RGS9: variants seen among roughly 807,000 people sequenced by gnomAD.
RGS9 encodes the protein regulator of G-protein signalling 9.
Under a neutral mutation model 102.0 loss-of-function variants are expected in RGS9, and 78 were observed. The observed-to-expected ratio is 0.76, with a 90% CI of 0.64 to 0.92. RGS9 has a LOEUF of 0.92. Among genes scored for constraint, RGS9 ranks in the 40% least tolerant of loss-of-function variants. The pLI is 0.00. For synonymous variants in RGS9, 353 were observed against 318.6 expected (o/e 1.11, Z -1.15); for missense variants, 833 against 866.1 (o/e 0.96, Z 0.48).
At chr17:65,187,396 A>G (rs1912164586) in intron 9 of RGS9, among the ~76,000 whole-genome samples, 1 of 152,216 alleles carries the variant, frequency 6.6e-6, no homozygotes, top group South Asian at 2.1e-4. Context: ...GAACTACGTG[A>G]GCCTTACCTT....
intron 1 of RGS9, among the ~76,000 whole-genome samples, chr17:65,150,235 G>C (rs919608657): frequency 6.6e-6 from 1 of 152,170 alleles, no homozygotes; most frequent in African/African-American, 2.4e-5. Context: ...TTCATGTTCT[G>C]TGCTTCTGCT....
chr17:65,159,110 G>C (rs139015186), intron 3 of RGS9, among the ~76,000 whole-genome samples: 37 of 152,170 alleles, frequency 2.4e-4, no homozygotes, highest in African/African-American at 8.7e-4. Context: ...TCCTTCTCCT[G>C]GCTCATCCTG....
intron 9 of RGS9, among the ~76,000 whole-genome samples, chr17:65,183,784 C>T (rs948773903): frequency 8.5e-5 from 13 of 152,332 alleles, no homozygotes; most frequent in African/African-American, 2.9e-4. Flanking sequence ...CTGGCTACCC[C>T]ATCCCAAGGT....
chr17:65,223,738 T>G (rs1905469689), intron 17 of RGS9, among the ~76,000 whole-genome samples: 1 of 150,538 alleles, frequency 6.6e-6, no homozygotes, highest in African/African-American at 2.5e-5. Context: ...CATCCCCAGC[T>G]TGTTCATGCC....
intron 11 of RGS9, among the ~76,000 whole-genome samples, chr17:65,191,760 T>G (rs76556033): frequency 2.0e-5 from 3 of 151,338 alleles, no homozygotes; most frequent in South Asian, 2.1e-4. Context: ...AAGAAAAAAA[T>G]AAAAAAGGTC....
intron 2 of RGS9, among the ~76,000 whole-genome samples, chr17:65,155,911 T>G (rs1240028038): frequency 6.6e-6 from 1 of 152,240 alleles, no homozygotes; most frequent in African/African-American, 2.4e-5. Context: ...CATGGGGTTA[T>G]GGAGACCAAA....
chr17:65,204,067 CCGATT>C, intron 14 of RGS9, 91 bp from the exon 15 acceptor site: 1 of 1,462,262 alleles, frequency 6.8e-7, no homozygotes, highest in South Asian at 1.2e-5. Flanking sequence ...CCCTCGGTAA[CCGATT>C]CGTATCAGTC....
intron 7 of RGS9, among the ~76,000 whole-genome samples, chr17:65,165,196 G>T (rs958510739): frequency 6.6e-6 from 1 of 152,030 alleles, no homozygotes; most frequent in Non-Finnish European, 1.5e-5. Flanking sequence ...TTTCTTGGGC[G>T]CTCTGGGTGC....
At chr17:65,196,443 C>A (rs8077696) in intron 12 of RGS9, among the ~76,000 whole-genome samples, 28,938 of 152,102 alleles carry the variant, frequency 0.19, 4,508 homozygotes, top group African/African-American at 0.4. Context: ...TAGGAGAGAA[C>A]ACTGAGTCTT....
At chr17:65,207,608 T>C (rs1913116722) in intron 15 of RGS9, among the ~76,000 whole-genome samples, 1 of 152,156 alleles carries the variant, frequency 6.6e-6, no homozygotes, top group South Asian at 2.1e-4. Flanking sequence ...TCACAGACAA[T>C]GTTGATAGGA....
At chr17:65,184,076 A>T (rs1912010621) in intron 9 of RGS9, among the ~76,000 whole-genome samples, 1 of 152,184 alleles carries the variant, frequency 6.6e-6, no homozygotes, top group African/African-American at 2.4e-5. Context: ...TCACTCCAGG[A>T]GGGCCGGCAG....
At chr17:65,226,938 T>G (rs1905714116) in intron 18 of RGS9, among the ~76,000 whole-genome samples, 1 of 151,808 alleles carries the variant, frequency 6.6e-6, no homozygotes, top group Admixed American at 6.6e-5. Flanking sequence ...TTTAAAGGGG[T>G]TGATGACTAA....
chr17:65,172,246 C>T (rs1033462259), intron 8 of RGS9, among the ~76,000 whole-genome samples: 12 of 152,178 alleles, frequency 7.9e-5, no homozygotes, highest in African/African-American at 1.9e-4. Flanking sequence ...GACAGAGTCT[C>T]GCTCTGGGGT....
rs111962829 is a variant in RGS9, at chr17:65,164,273, G to A, written c.500+1184G>A. ...ATATGCAGAAGAAGCAGCACCATCT[G>A]GGCTTTGTGCGTTGCTTAGCAGGGA... is the stretch of plus-strand genomic sequence containing the variant. On this transcript the variant is annotated intron_variant, in intron 7 of 18. Transcript: ENST00000262406. Among the ~76,000 whole-genome samples, 919 of 152,290 alleles carry A rather than the reference G, an allele frequency of 6.0e-3. 7 individuals carry two copies. The highest frequency in any genetic ancestry group is 0.021 in the African/African-American group (868 of 41,548).
chr17:65,176,626 T>C (rs1365507299), intron 8 of RGS9, among the ~76,000 whole-genome samples: 1 of 152,188 alleles, frequency 6.6e-6, no homozygotes, highest in Non-Finnish European at 1.5e-5. Context: ...AGGAAGCCCA[T>C]GTATTAGTCT....
In RGS9 at chr17:65,204,188, C is replaced by T. The variant is rs769963081; in HGVS notation, c.1090C>T (p.Arg364Cys). Residue 364 changes from arginine (R) to cysteine (C), a missense_variant, in exon 15 of 19, where the codon CGC becomes TGC. Coordinates refer to ENST00000262406, the MANE Select transcript of RGS9 (RefSeq NM_003835.4). Reference sequence around the variant, plus strand: ...GCTGTTCCTGGCCCCGGGGGCGAGGCGCTGGATCAACATAGATGGCAAAAC... The same window carrying T: ...GCTGTTCCTGGCCCCGGGGGCGAGGTGCTGGATCAACATAGATGGCAAAAC... Reference protein sequence around the residue: ...YKLFLAPGARRWINIDGKTMD... With the variant: ...YKLFLAPGARCWINIDGKTMD... 1.1e-5 allele frequency: 17 copies of T among 1,612,684 alleles called. No homozygotes were observed. The highest frequency in any genetic ancestry group is 4.0e-5 in the African/African-American group (3 of 74,868).
At chr17:65,147,013 G>A (rs1910391334) in intron 1 of RGS9, among the ~76,000 whole-genome samples, 1 of 152,010 alleles carries the variant, frequency 6.6e-6, no homozygotes, top group African/African-American at 2.4e-5. Flanking sequence ...CAGTTCCCTG[G>A]GCCACCCCCA....
intron 1 of RGS9, among the ~76,000 whole-genome samples, chr17:65,139,314 ACT>A (rs1910062835): frequency 2.2e-5 from 3 of 134,982 alleles, no homozygotes; most frequent in Non-Finnish European, 4.8e-5. Context: ...TCCTACACAC[ACT>A]GTTTTTTTCC....
At chr17:65,153,598 A>G (rs1336263647) in intron 2 of RGS9, 80 bp downstream of exon 2, 4 of 1,262,074 alleles carry the variant, frequency 3.2e-6, no homozygotes, top group Non-Finnish European at 4.7e-6. Context: ...GTTTGTAAAA[A>G]ACTTTATTTT....
Sources: allele counts gnomAD v4.1 joint callset (sites outside exome capture counted in the v4.1 genomes callset), GRCh38; gene constraint gnomAD v4.1.1; transcripts MANE v1.5; gene names NCBI Gene and HGNC (gene_info 2026-07-23, HGNC 2026-07-21).